DNAH14: variants seen among roughly 807,000 people sequenced by gnomAD.
The protein encoded by DNAH14 is dynein axonemal heavy chain 14.
DNAH14 carries 478 observed loss-of-function variants against 520.9 expected under a neutral mutation model. That is an observed-to-expected ratio of 0.92 (90% CI 0.85 to 0.99). The LOEUF is 0.99. Among genes scored for constraint, DNAH14 ranks in the 50% least tolerant of loss-of-function variants. The probability of loss-of-function intolerance (pLI) is 0.00; values close to 1 mark genes in which losing one functional copy is unlikely to be tolerated. For missense variants in DNAH14, 4,831 were observed against 5,234.5 expected (o/e 0.92, Z 2.38); for synonymous variants, 1,581 against 1,757.2 (o/e 0.90, Z 2.51).
intron 81 of DNAH14, 81 bp downstream of exon 81, chr1:225,381,660 G>A: frequency 2.8e-6 from 3 of 1,055,838 alleles, no homozygotes; most frequent in Non-Finnish European, 4.0e-6. Context: ...AAGGTAAATG[G>A]TGCATCTGTG....
intron 15 of DNAH14, among the ~76,000 whole-genome samples, chr1:225,045,427 G>C (rs2067868504): frequency 6.6e-6 from 1 of 151,800 alleles, no homozygotes; most frequent in Non-Finnish European, 1.5e-5. Flanking sequence ...GATTTTATTT[G>C]GATTTTCCCA....
chr1:225,046,088 T>C (rs535430840), intron 15 of DNAH14, among the ~76,000 whole-genome samples: 2 of 151,644 alleles, frequency 1.3e-5, no homozygotes, highest in African/African-American at 4.8e-5. Context: ...GATTCACTAA[T>C]ATTTGCATAT....
intron 54 of DNAH14, among the ~76,000 whole-genome samples, chr1:225,289,368 G>T (rs2093815065): frequency 6.6e-6 from 1 of 152,008 alleles, no homozygotes; most frequent in Non-Finnish European, 1.5e-5. Context: ...TTGTGACAAG[G>T]GTTGCATAAG....
At chr1:225,318,546 A>AT in intron 60 of DNAH14, 37 bp from the exon 61 acceptor site, 1 of 1,496,352 alleles carries the variant, frequency 6.7e-7, no homozygotes, top group Non-Finnish European at 8.9e-7. Flanking sequence ...AACTATATTG[A>AT]TTCATATGTG....
intron 3 of DNAH14, among the ~76,000 whole-genome samples, chr1:224,959,557 A>C (rs1224486463): frequency 6.6e-6 from 1 of 152,118 alleles, no homozygotes; most frequent in African/African-American, 2.4e-5. Context: ...TCTTTCTTCA[A>C]AGGTCTGTTT....
intron 81 of DNAH14, among the ~76,000 whole-genome samples, chr1:225,387,084 G>T (rs890656263): frequency 6.6e-6 from 1 of 152,136 alleles, no homozygotes; most frequent in Non-Finnish European, 1.5e-5. Context: ...CATGTCCTTT[G>T]TAGGGACATG....
chr1:225,078,185 G>T (rs1169480892), intron 17 of DNAH14, among the ~76,000 whole-genome samples: 1 of 152,136 alleles, frequency 6.6e-6, no homozygotes, highest in Admixed American at 6.5e-5. Flanking sequence ...ATGGGACGTG[G>T]AATCAATTTG....
At chr1:225,334,908 G>GTGTGTGTGTGTGTGTGTGTA (rs58202867) in intron 66 of DNAH14, among the ~76,000 whole-genome samples, 2 of 146,376 alleles carry the variant, frequency 1.4e-5, no homozygotes, top group Non-Finnish European at 3.0e-5. Context: ...GTGTGTGTGT[G>GTGTGTGTGTGTGTGTGTGTA]TATATGTATA....
intron 23 of DNAH14, among the ~76,000 whole-genome samples, chr1:225,115,070 A>G (rs77933686): frequency 1.3e-5 from 2 of 152,326 alleles, no homozygotes; most frequent in African/African-American, 4.8e-5. Context: ...AGTTGAGAAT[A>G]ATGATAGTGC....
intron 41 of DNAH14, among the ~76,000 whole-genome samples, chr1:225,214,279 G>A (rs1445046000): frequency 1.3e-5 from 2 of 152,166 alleles, no homozygotes; most frequent in African/African-American, 2.4e-5. Flanking sequence ...TAGTGGATAA[G>A]CTTTTTGATG....
chr1:224,974,322 G>T (rs373469813), intron 8 of DNAH14, among the ~76,000 whole-genome samples, 169 bp downstream of exon 8: 1 of 152,000 alleles, frequency 6.6e-6, no homozygotes, highest in Non-Finnish European at 1.5e-5. Flanking sequence ...ATTAAACACT[G>T]TGTTTTGCAG....
chr1:225,296,509 GT>G lies in DNAH14; in HGVS notation c.8470-4347del, dbSNP rs71281019. On this transcript the variant is annotated intron_variant, in intron 55 of 85. Transcript: ENST00000682510. The stretch of plus-strand genomic sequence containing the variant: ...TTATCGTTTATGTTTGTGGTGGGTG[GT>G]TTTTTTTTTTTTGCAGTGATAGGGT... Among the ~76,000 whole-genome samples the G allele has an allele frequency of 7.9e-3, 1,089 of 137,798 alleles. 11 individuals are homozygous for G. Among genetic ancestry groups the G allele is most frequent in the African/African-American group, 0.025 (963 of 37,876 alleles). The allele number at this position is 137,798 out of a possible 152,430, so 90.4% of individuals were successfully genotyped here. A position where few individuals can be genotyped will look rare whatever the true frequency, so the allele number is the denominator to read the frequency against.
intron 42 of DNAH14, among the ~76,000 whole-genome samples, chr1:225,240,319 A>G (rs994439309): frequency 2.0e-5 from 3 of 150,360 alleles, no homozygotes; most frequent in Non-Finnish European, 4.4e-5. Flanking sequence ...AAGCATATAT[A>G]TGTTAAATAA....
chr1:225,390,051 C>G (rs949432181), intron 83 of DNAH14, among the ~76,000 whole-genome samples, 178 bp downstream of exon 83: 27 of 152,198 alleles, frequency 1.8e-4, no homozygotes, highest in African/African-American at 5.8e-4. Flanking sequence ...CACTTCCTTC[C>G]CTCACCCCAA....
intron 11 of DNAH14, among the ~76,000 whole-genome samples, chr1:225,027,852 G>C (rs1168755026): frequency 1.8e-5 from 2 of 108,108 alleles, no homozygotes; most frequent in East Asian, 5.1e-4. Context: ...AAATAGTGTT[G>C]GATTTTGTCA....
At chr1:225,350,622 C>T (rs561360996) in intron 71 of DNAH14, among the ~76,000 whole-genome samples, 236 of 152,014 alleles carry the variant, frequency 1.6e-3, no homozygotes, top group African/African-American at 5.3e-3. Flanking sequence ...CTACCATGAA[C>T]AATTGTATGC....
At chr1:225,093,619 G>C (rs1053090434) in intron 21 of DNAH14, among the ~76,000 whole-genome samples, 1 of 152,112 alleles carries the variant, frequency 6.6e-6, no homozygotes, top group Non-Finnish European at 1.5e-5. Context: ...CATAGTGCTG[G>C]AAGTTCTAGC....
chr1:225,028,747 T>C (rs1000243443), intron 11 of DNAH14, among the ~76,000 whole-genome samples: 14 of 152,004 alleles, frequency 9.2e-5, no homozygotes, highest in Admixed American at 7.2e-4. Flanking sequence ...AAAATCACAA[T>C]GAGACACTTT....
At chr1:225,090,533 T>A (rs994345581) in intron 21 of DNAH14, among the ~76,000 whole-genome samples, 1 of 152,052 alleles carries the variant, frequency 6.6e-6, no homozygotes, top group Non-Finnish European at 1.5e-5. Flanking sequence ...GGTTTAAAGA[T>A]AGACAAGAAA....
Sources: allele counts gnomAD v4.1 joint callset (sites outside exome capture counted in the v4.1 genomes callset), GRCh38; gene constraint gnomAD v4.1.1; transcripts MANE v1.5; gene names NCBI Gene and HGNC (gene_info 2026-07-23, HGNC 2026-07-21).